The following BRINP3 variants were observed in gnomAD, a reference collection of about 807,000 sequenced individuals.
The protein encoded by BRINP3 is BMP/retinoic acid-inducible neural-specific protein 3.
Under a neutral mutation model 71.0 loss-of-function variants are expected in BRINP3, and 19 were observed. The ratio of observed to expected loss-of-function variants is 0.27; its 90% CI spans 0.19 to 0.39. BRINP3 has a LOEUF of 0.39. Ranked by LOEUF, BRINP3 falls within the 10% of genes least tolerant of loss-of-function variation. BRINP3 has a pLI of 1.00. For synonymous variants in BRINP3, 380 were observed against 337.7 expected (o/e 1.13, Z -1.37); for missense variants, 959 against 940.8 (o/e 1.02, Z -0.25).
At chr1:190,421,316 A>ATTATTATTATT (rs1553316981) in intron 2 of BRINP3, among the ~76,000 whole-genome samples, 42 of 145,560 alleles carry the variant, frequency 2.9e-4, no homozygotes, top group South Asian at 1.1e-3. Context: ...TATTATTATT[A>ATTATTATTATT]TTATTATTAT....
intron 2 of BRINP3, among the ~76,000 whole-genome samples, chr1:190,378,837 T>C (rs1418490050): frequency 2.6e-5 from 4 of 152,134 alleles, no homozygotes; most frequent in Non-Finnish European, 4.4e-5. Context: ...GGTTCCTCAG[T>C]TGTGACACTA....
intron 5 of BRINP3, among the ~76,000 whole-genome samples, chr1:190,231,949 G>T (rs181366920): frequency 1.0e-3 from 154 of 151,952 alleles, no homozygotes; most frequent in South Asian, 2.7e-3. Flanking sequence ...TTTTTCTAAT[G>T]AAAGAGGAGA....
At chr1:190,317,168 TCTCA>T (rs1477322967) in intron 2 of BRINP3, among the ~76,000 whole-genome samples, 1 of 22,946 alleles carries the variant, frequency 4.4e-5, no homozygotes, top group East Asian at 1.9e-3. Flanking sequence ...CGAGAGTCCA[TCTCA>T]AAAAAAAAAA....
At chr1:190,347,099 G>C (rs984397111) in intron 2 of BRINP3, among the ~76,000 whole-genome samples, 2 of 151,992 alleles carry the variant, frequency 1.3e-5, no homozygotes, top group Non-Finnish European at 1.5e-5. Context: ...GCTATCATTT[G>C]AGTGCATGTT....
intron 7 of BRINP3, among the ~76,000 whole-genome samples, chr1:190,110,256 G>A (rs1652549956): frequency 6.6e-6 from 1 of 152,260 alleles, no homozygotes; most frequent in South Asian, 2.1e-4. Flanking sequence ...CTAGGAAAAT[G>A]AGGTAGAACT....
chr1:190,301,204 CAT>C (rs369121473), intron 2 of BRINP3, among the ~76,000 whole-genome samples: 12,983 of 105,996 alleles, frequency 0.12, 875 homozygotes, highest in East Asian at 0.21. Flanking sequence ...TATACACATA[CAT>C]ATATATATAT....
intron 7 of BRINP3, among the ~76,000 whole-genome samples, chr1:190,111,202 A>AAC (rs1308790521): frequency 1.3e-5 from 2 of 151,002 alleles, no homozygotes; most frequent in African/African-American, 4.9e-5. Context: ...AAAAAAAAAA[A>AAC]AAAAAACTTT....
chr1:190,185,534 TA>T (rs746416319), intron 6 of BRINP3, among the ~76,000 whole-genome samples: 2 of 152,136 alleles, frequency 1.3e-5, no homozygotes, highest in Non-Finnish European at 1.5e-5. Flanking sequence ...AAATTATACA[TA>T]AATAGAAAAT....
intron 7 of BRINP3, chr1:190,154,065 T>C (rs4576663): frequency 0.96 from 923,483 of 962,778 alleles, 442,987 homozygotes; most frequent in East Asian, 1. Flanking sequence ...TCACAAGTTT[T>C]TTCAGTTATG....
chr1:190,105,300 T>TAC (rs894881081), intron 7 of BRINP3, among the ~76,000 whole-genome samples: 29 of 151,670 alleles, frequency 1.9e-4, no homozygotes, highest in Admixed American at 3.9e-4. Context: ...CACACACACA[T>TAC]ACACACACAC....
chr1:190,476,021 T>C (rs1571416649), intron 1 of BRINP3: 1 of 151,314 alleles, frequency 6.6e-6, no homozygotes, highest in African/African-American at 2.4e-5. Context: ...AGTGACCTAG[T>C]GACGGGTGAG....
intron 3 of BRINP3, among the ~76,000 whole-genome samples, chr1:190,266,748 A>G (rs1205817769): frequency 6.6e-6 from 1 of 152,198 alleles, no homozygotes; most frequent in Non-Finnish European, 1.5e-5. Context: ...GCCAAAACAT[A>G]CAAATACCCT....
chr1:190,147,540 T>C (rs1655998564), intron 7 of BRINP3, among the ~76,000 whole-genome samples: 2 of 152,242 alleles, frequency 1.3e-5, no homozygotes, highest in African/African-American at 4.8e-5. Flanking sequence ...TCTTCAGTCA[T>C]ATTTTTTCCT....
At chr1:190,454,566 T>C (rs1220065422) in intron 2 of BRINP3, 89 bp downstream of exon 2, 1 of 1,013,414 alleles carries the variant, frequency 9.9e-7, no homozygotes. Flanking sequence ...AATACCTTTT[T>C]CCCGTCTGAA....
At chr1:190,292,637 A>C (rs553236854) in intron 2 of BRINP3, among the ~76,000 whole-genome samples, 63 of 152,310 alleles carry the variant, frequency 4.1e-4, no homozygotes, top group Non-Finnish European at 7.3e-4. Context: ...TGGGTGACAG[A>C]GCAAGATCCT....
intron 6 of BRINP3, among the ~76,000 whole-genome samples, chr1:190,189,114 A>G (rs1653805195): frequency 6.6e-6 from 1 of 151,954 alleles, no homozygotes; most frequent in Admixed American, 6.6e-5. Flanking sequence ...TGTTTTCCTT[A>G]GTGTCTTTAC....
intron 3 of BRINP3, among the ~76,000 whole-genome samples, chr1:190,274,610 G>C (rs1662391306): frequency 6.6e-6 from 1 of 151,610 alleles, no homozygotes; most frequent in African/African-American, 2.4e-5. Context: ...TTTTGGCAAT[G>C]ATAAGCCATA....
chr1:190,471,301 T>A (rs1677122553), intron 1 of BRINP3, among the ~76,000 whole-genome samples: 1 of 151,192 alleles, frequency 6.6e-6, no homozygotes, highest in Non-Finnish European at 1.5e-5. Context: ...GAGGCTCATT[T>A]TCAAAAAACA....
rs113109671 is a variant in BRINP3, at chr1:190,331,170, A to T, written c.237-49420T>A. On this transcript the variant is annotated intron_variant, in intron 2 of 7. Coordinates refer to ENST00000367462, the MANE Select transcript of BRINP3 (RefSeq NM_199051.3). ...ATTCTCCTCTCCTCCAGCTCTTGCAAGCTGGCATTATGGCGTTCTCATCAT... is the reference window on the plus strand; with the variant it reads ...ATTCTCCTCTCCTCCAGCTCTTGCATGCTGGCATTATGGCGTTCTCATCAT... 5.0e-3 allele frequency among the ~76,000 whole-genome samples: 767 copies of T among 152,166 alleles called. 6 individuals are homozygous for T. Among genetic ancestry groups the T allele is most frequent in the African/African-American group, 0.017 (719 of 41,560 alleles).
Sources: gnomAD v4.1 joint callset for allele counts (sites outside exome capture counted in the v4.1 genomes callset) on GRCh38, gnomAD v4.1.1 for gene constraint, MANE v1.5 for transcripts, NCBI Gene and HGNC (gene_info 2026-07-23, HGNC 2026-07-21) for gene names.